DNAH6: variants seen among roughly 807,000 people sequenced by gnomAD.
DNAH6 encodes the protein axonemal beta dynein heavy chain 6.
DNAH6 carries 340 observed loss-of-function variants against 491.4 expected under a neutral mutation model. That is an observed-to-expected ratio of 0.69 (90% CI 0.63 to 0.76). The LOEUF (loss-of-function observed/expected upper bound fraction) is 0.76. Among genes scored for constraint, DNAH6 ranks in the 30% least tolerant of loss-of-function variants. The probability of loss-of-function intolerance (pLI) is 0.00; values close to 1 mark genes in which losing one functional copy is unlikely to be tolerated. For missense variants in DNAH6, 4,443 were observed against 4,972.2 expected, an observed-to-expected ratio of 0.89 and a Z score of 3.20; for synonymous variants, 1,603 against 1,686.1, an observed-to-expected ratio of 0.95 and a Z score of 1.21.
chr2:84,676,964 ATTCTCTGCTGAGTGATCCAAGTGGAT>A lies in DNAH6; in HGVS notation c.6613-32_6613-7del. ...CATTAGGATAGGCAGGTCTCATTTCATTCTCTGCTGAGTGATCCAAGTGGATTTCTCTGCACACAGGATGTAACAAT... is the reference window on the plus strand; with the variant it reads ...CATTAGGATAGGCAGGTCTCATTTCATTCTCTGCACACAGGATGTAACAAT... On this transcript the variant is annotated splice_polypyrimidine_tract_variant and intron_variant, in intron 40 of 76. Coordinates refer to ENST00000389394, the MANE Select transcript of DNAH6 (RefSeq NM_001370.2). The A allele has an allele frequency of 6.5e-7, 1 of 1,548,674 alleles. No individual in the cohort carries two copies. Among genetic ancestry groups the A allele is most frequent in the Non-Finnish European group, 8.7e-7 (1 of 1,144,658 alleles).
Position 84,638,788 on chromosome 2 carries a change from G to A in DNAH6, c.4821+1411G>A, listed in dbSNP as rs537946067. ...TGGTTCTGCAGGCTGTACAGGAAGTGTGGTGCTAGCATCTACTCGGTTTCT... is the reference window on the plus strand; with the variant it reads ...TGGTTCTGCAGGCTGTACAGGAAGTATGGTGCTAGCATCTACTCGGTTTCT... On this transcript the variant is annotated intron_variant, in intron 31 of 76. Transcript: ENST00000389394. Among the ~76,000 whole-genome samples, 18 of 152,268 alleles carry A rather than the reference G, an allele frequency of 1.2e-4. No homozygotes were observed. The South Asian group carries it at 3.3e-3, about 28-fold the overall frequency.
the DNAH6 span, among the ~76,000 whole-genome samples, chr2:84,485,692 GC>G: frequency 4.0e-5 from 6 of 151,852 alleles, no homozygotes; most frequent in Admixed American, 6.6e-5. Context: ...CTTCCTAAAG[GC>G]CAATTATGTG....
chr2:84,803,430 C>T (rs557077482), intron 70 of DNAH6, among the ~76,000 whole-genome samples: 132 of 152,166 alleles, frequency 8.7e-4, no homozygotes, highest in Non-Finnish European at 3.5e-4. Flanking sequence ...CAAATGTGCA[C>T]GTGTACCCTC....
At chr2:84,702,044 A>G (rs185931027) in intron 49 of DNAH6, among the ~76,000 whole-genome samples, 200 of 152,340 alleles carry the variant, frequency 1.3e-3, no homozygotes, top group Non-Finnish European at 1.2e-3. Flanking sequence ...TATGCAGTGA[A>G]CTGGTCATCT....
At chr2:84,794,831 T>C in intron 68 of DNAH6, among the ~76,000 whole-genome samples, 3 of 143,296 alleles carry the variant, frequency 2.1e-5, no homozygotes, top group African/African-American at 7.9e-5. Flanking sequence ...TTACTGGGTA[T>C]ATACCCAAAG....
chr2:84,782,356 A>C (rs755583295), intron 65 of DNAH6, among the ~76,000 whole-genome samples: 1 of 152,230 alleles, frequency 6.6e-6, no homozygotes, highest in Non-Finnish European at 1.5e-5. Flanking sequence ...CCTCCAGGCA[A>C]GCATATCCAG....
intron 45 of DNAH6, among the ~76,000 whole-genome samples, chr2:84,693,256 G>A (rs542522332): frequency 6.6e-6 from 1 of 151,724 alleles, no homozygotes; most frequent in African/African-American, 2.4e-5. Flanking sequence ...CTGAGTTCTG[G>A]GTATATTCCT....
At chr2:84,559,158 G>A (rs1680384436) in intron 11 of DNAH6, among the ~76,000 whole-genome samples, 1 of 152,064 alleles carries the variant, frequency 6.6e-6, no homozygotes, top group Non-Finnish European at 1.5e-5. Flanking sequence ...AAGGAGCTGA[G>A]GTTAATCTAA....
At chr2:84,603,529 G>A (rs982982015) in intron 18 of DNAH6, among the ~76,000 whole-genome samples, 4 of 152,044 alleles carry the variant, frequency 2.6e-5, no homozygotes, top group African/African-American at 9.7e-5. Context: ...TTGATAACAT[G>A]GTGGCAGAGG....
chr2:84,777,989 G>A, intron 64 of DNAH6: 2 of 948,560 alleles, frequency 2.1e-6, no homozygotes, highest in South Asian at 2.6e-5. Flanking sequence ...CTTGGAATTT[G>A]CAGTTACATT....
chr2:84,795,931 C>T (rs996342741), intron 68 of DNAH6, among the ~76,000 whole-genome samples: 6 of 151,946 alleles, frequency 3.9e-5, no homozygotes, highest in African/African-American at 7.3e-5. Context: ...TCATTGTCTC[C>T]GAAAGAAGCA....
intron 37 of DNAH6, among the ~76,000 whole-genome samples, chr2:84,666,301 G>A (rs968311475): frequency 6.6e-6 from 1 of 152,138 alleles, no homozygotes; most frequent in South Asian, 2.1e-4. Context: ...AGGAAAAGAG[G>A]AAGTCAAATT....
chr2:84,641,818 G>A (rs1689435345), intron 32 of DNAH6, 129 bp from the exon 33 acceptor site: 6 of 689,632 alleles, frequency 8.7e-6, no homozygotes, highest in Non-Finnish European at 1.4e-5. Context: ...CTGAACACAC[G>A]AGGGAAAATG....
At chr2:84,471,829 C>T in the DNAH6 span, among the ~76,000 whole-genome samples, 2 of 152,182 alleles carry the variant, frequency 1.3e-5, no homozygotes, top group Non-Finnish European at 2.9e-5. Flanking sequence ...GAAACAGACC[C>T]CTTCTAACAG....
rs572799750 is a variant in DNAH6, at chr2:84,558,322, G to T, written c.1803+387G>T. 3.0e-4 allele frequency among the ~76,000 whole-genome samples: 45 copies of T among 152,034 alleles called. No homozygotes were observed. In the South Asian group the frequency reaches 9.2e-3, roughly 31 times the overall value. On this transcript the variant is annotated intron_variant, in intron 11 of 76. Transcript: ENST00000389394. ...GGGTGCCTGTAGTCCCAACTTGGGAGGCTGAGGTAGGAGAATGGTGTGAAC... is the reference window on the plus strand; with the variant it reads ...GGGTGCCTGTAGTCCCAACTTGGGATGCTGAGGTAGGAGAATGGTGTGAAC...
the DNAH6 span, chr2:84,460,034 T>A: frequency 6.6e-6 from 1 of 152,190 alleles, no homozygotes. Context: ...GACAAACAGT[T>A]CCCTCTTCTG....
rs1695861036 is a variant in DNAH6, at chr2:84,701,132, A to G, written c.7854A>G (p.Thr2618=). The G allele has an allele frequency of 1.9e-6, 3 of 1,551,820 alleles. No individual in the cohort carries two copies. Among genetic ancestry groups the G allele is most frequent in the African/African-American group, 2.7e-5 (2 of 73,144 alleles). Residue 2618 remains threonine (T), a synonymous_variant, in exon 49 of 77, where the codon ACA becomes ACG. Transcript: ENST00000389394. ...AAGCACTTCTTTCTGTGTCAAAGAC[A>G]TTTTTCTCACAAGTCGATGCTGGAA... ...PREALLSVSK[T]FFSQVDAGNE... is the part of the protein sequence containing the mutation.
At chr2:84,469,495 C>G in the DNAH6 span, among the ~76,000 whole-genome samples, 4 of 152,104 alleles carry the variant, frequency 2.6e-5, no homozygotes, top group African/African-American at 9.7e-5. This position sits in a 1 kb window ranked among gnomAD's most constrained non-coding sequence, Gnocchi z 4.0. Flanking sequence ...AACATGTGGT[C>G]TCTGGGCAAG....
chr2:84,472,516 G>C, the DNAH6 span, among the ~76,000 whole-genome samples: 1 of 152,108 alleles, frequency 6.6e-6, no homozygotes, highest in Non-Finnish European at 1.5e-5. Flanking sequence ...CCAAAAGCAA[G>C]AATATGTGTT....
Sources: allele counts gnomAD v4.1 joint callset (sites outside exome capture counted in the v4.1 genomes callset), GRCh38; gene constraint gnomAD v4.1.1; non-coding constraint Gnocchi (gnomAD v3.1); transcripts MANE v1.5; gene names NCBI Gene and HGNC (gene_info 2026-07-23, HGNC 2026-07-21).